The following CERCAM variants were observed in gnomAD, a reference collection of about 807,000 sequenced individuals.
CERCAM encodes cerebral endothelial cell adhesion molecule.
Under a neutral mutation model 66.0 loss-of-function variants are expected in CERCAM, and 59 were observed. The ratio of observed to expected loss-of-function variants is 0.89; its 90% CI spans 0.73 to 1.11. The LOEUF (loss-of-function observed/expected upper bound fraction) is 1.11. Among genes scored for constraint, CERCAM ranks in the 50% most tolerant of loss-of-function variants. The probability of loss-of-function intolerance (pLI) is 0.00; values close to 1 mark genes in which losing one functional copy is unlikely to be tolerated. For missense variants in CERCAM, 840 were observed against 828.3 expected, an observed-to-expected ratio of 1.01 and a Z score of -0.17; for synonymous variants, 318 against 343.6, an observed-to-expected ratio of 0.93 and a Z score of 0.83.
At chr9:128,421,188 G>GC (rs1833701629) in intron 1 of CERCAM, 114 bp downstream of exon 1, 3 of 1,240,238 alleles carry the variant, frequency 2.4e-6, no homozygotes, top group African/African-American at 3.1e-5. Flanking sequence ...ACCTAGACAG[G>GC]CCCCTCCCCT....
chr9:128,432,676 C>T (rs949315019), intron 9 of CERCAM, among the ~76,000 whole-genome samples: 3 of 152,246 alleles, frequency 2.0e-5, no homozygotes, highest in South Asian at 2.1e-4. Flanking sequence ...CATGAGCCAC[C>T]GCTCCTGGCT....
rs1006358370 is a variant in CERCAM at position 128,437,038 on chromosome 9, G to A, written c.*190G>A. The A allele has an allele frequency of 3.3e-5, 5 of 152,338 alleles. No individual in the cohort carries two copies. The highest frequency in any genetic ancestry group is 7.3e-5 in the Non-Finnish European group (5 of 68,124). The allele number at this position is 152,338 out of a possible 1,614,324, so 9.4% of individuals were successfully genotyped here. On this transcript the variant is annotated 3_prime_UTR_variant, in exon 13 of 13. Transcript: ENST00000372838. ...CAGAGATGGATCCCATTCCCTAAAG[G>A]TCTCACAGCAAAGGAGCAGGACTCC...
At chr9:128,428,644 C>A in intron 6 of CERCAM, 113 bp from the exon 7 acceptor site, 1 of 1,257,038 alleles carries the variant, frequency 8.0e-7, no homozygotes, top group East Asian at 2.3e-5. Context: ...AGGTCCCGTC[C>A]TGTGGGGTGT....
At chr9:128,435,527 G>T in intron 11 of CERCAM, 126 bp from the exon 12 acceptor site, 3 of 1,000,232 alleles carry the variant, frequency 3.0e-6, no homozygotes, top group Non-Finnish European at 4.4e-6. Flanking sequence ...GCTCAGGGCC[G>T]CTGTGAGGAC....
upstream of CERCAM, chr9:128,420,706 G>C (rs1000335034): frequency 4.3e-5 from 11 of 254,190 alleles, no homozygotes; most frequent in Admixed American, 2.2e-4. The surrounding 1 kb of genome is among the most constrained non-coding windows in gnomAD (Gnocchi z 5.0). Context: ...GGGCCAAGGA[G>C]AGAAAACTTG....
At chr9:128,428,480 T>G in intron 6 of CERCAM, 59 bp downstream of exon 6, 1 of 1,598,412 alleles carries the variant, frequency 6.3e-7, no homozygotes, top group Non-Finnish European at 8.5e-7. Context: ...CTCCCCACGG[T>G]GCCCCTTTCC....
At chr9:128,426,296 CAGAG>C (rs374856577) in intron 5 of CERCAM, among the ~76,000 whole-genome samples, 1 of 151,646 alleles carries the variant, frequency 6.6e-6, no homozygotes, top group Admixed American at 6.6e-5. Flanking sequence ...TGAAAAAAAA[CAGAG>C]AGTAAGAAAG....
rs1834046681 is a variant in CERCAM, at chr9:128,434,167, C to T, written c.1269C>T (p.Phe423=). 1 of 1,614,148 alleles carries T rather than the reference C, an allele frequency of 6.2e-7. No individual in the cohort carries two copies. Among genetic ancestry groups the T allele is most frequent in the Non-Finnish European group, 8.5e-7 (1 of 1,180,012 alleles). ...FEDDVRFESN[F]RGRLERLMED... is the part of the protein sequence containing the mutation. ...ATGACGTGCGCTTTGAGAGCAACTT[C>T]AGGGGGCGGCTGGAGCGGCTGATGG... Residue 423 remains phenylalanine (F), a synonymous_variant, in exon 10 of 13, where the codon TTC becomes TTT. Coordinates refer to ENST00000372838, the MANE Select transcript of CERCAM (RefSeq NM_016174.5). The surrounding 1 kb of genome is among the most constrained non-coding windows in gnomAD (Gnocchi z 4.5).
chr9:128,431,502 A>T, intron 9 of CERCAM, 199 bp downstream of exon 9: 1 of 620,950 alleles, frequency 1.6e-6, no homozygotes. Context: ...TCTCTTGAGC[A>T]TCTACTATGT....
intron 12 of CERCAM, among the ~76,000 whole-genome samples, chr9:128,436,125 G>A (rs140563557): frequency 0.01 from 1,579 of 151,414 alleles, 24 homozygotes; most frequent in African/African-American, 0.036. Flanking sequence ...GCGTGATTTT[G>A]GCTCACTGCA....
chr9:128,432,297 A>G (rs1833994207), intron 9 of CERCAM, among the ~76,000 whole-genome samples: 1 of 151,656 alleles, frequency 6.6e-6, no homozygotes, highest in Non-Finnish European at 1.5e-5. Context: ...AAGTGCTGGA[A>G]TTACAGGCTT....
rs1242616363 is a variant in CERCAM at position 128,434,366 on chromosome 9, C to A, written c.1332-44C>A. Reference sequence around the variant, plus strand: ...GCGGGTGTGGGAGGGTCCCATGACACCCAGGACCTAAGTGACTCCTGGGCC... The same window carrying A: ...GCGGGTGTGGGAGGGTCCCATGACAACCAGGACCTAAGTGACTCCTGGGCC... On this transcript the variant is annotated intron_variant, in intron 10 of 12. Transcript: ENST00000372838. This position sits in a 1 kb window ranked among gnomAD's most constrained non-coding sequence, Gnocchi z 4.5. The A allele has an allele frequency of 3.7e-6, 6 of 1,609,736 alleles. No individual in the cohort carries two copies. Among genetic ancestry groups the A allele is most frequent in the Non-Finnish European group, 4.2e-6 (5 of 1,176,948 alleles).
chr9:128,423,036 G>A, intron 2 of CERCAM, 58 bp downstream of exon 2: 1 of 1,612,186 alleles, frequency 6.2e-7, no homozygotes, highest in Middle Eastern at 1.7e-4. Flanking sequence ...AGCCCAGAGA[G>A]GAAAAGGGAC....
At position 128,422,863 on chromosome 9, in the gene CERCAM, C is replaced by T. The variant is rs368640206; in HGVS notation, c.198-5C>T. The T allele has an allele frequency of 2.5e-6, 4 of 1,613,676 alleles. No individual in the cohort carries two copies. The highest frequency in any genetic ancestry group is 3.4e-6 in the Non-Finnish European group (4 of 1,179,840). ...CCCCTCAGCCTTTTTTCTTCCCGTC[C>T]CCAGGTGTGCCACGGACCACAATGT... On this transcript the variant is annotated splice_region_variant and splice_polypyrimidine_tract_variant and intron_variant, in intron 1 of 12. Transcript: ENST00000372838.
At chr9:128,432,380 C>CTTT (rs1269523487) in intron 9 of CERCAM, among the ~76,000 whole-genome samples, 8 of 118,270 alleles carry the variant, frequency 6.8e-5, no homozygotes, top group African/African-American at 9.7e-5. Flanking sequence ...TGGTTCACTA[C>CTTT]TTTTTTTTTT....
chr9:128,430,992 G>C (rs575497688), intron 8 of CERCAM, 179 bp from the exon 9 acceptor site: 69 of 695,442 alleles, frequency 9.9e-5, no homozygotes, highest in Non-Finnish European at 1.4e-4. Context: ...CTGGGCAACA[G>C]GGGCTCCAGT....
intron 5 of CERCAM, 84 bp downstream of exon 5, chr9:128,424,698 C>A: frequency 8.0e-7 from 1 of 1,254,846 alleles, no homozygotes; most frequent in South Asian, 1.2e-5. Context: ...ATGCCCTTCC[C>A]TACTCTGCAT....
Position 128,420,979 on chromosome 9 carries a change from C to A in CERCAM, c.102C>A (p.Val34=). Residue 34 remains valine (V), a synonymous_variant, in exon 1 of 13, where the codon GTC becomes GTA. Coordinates refer to ENST00000372838, the MANE Select transcript of CERCAM (RefSeq NM_016174.5). This position sits in a 1 kb window ranked among gnomAD's most constrained non-coding sequence, Gnocchi z 5.0. The part of the protein sequence containing the change: ...GVAESPLPAV[V]LAILARNAEH... ...CGGAGTCGCCGCTGCCCGCCGTGGTCCTTGCCATCCTGGCCCGCAATGCCG... is the reference window on the plus strand; with the variant it reads ...CGGAGTCGCCGCTGCCCGCCGTGGTACTTGCCATCCTGGCCCGCAATGCCG... The A allele has an allele frequency of 6.8e-7, 1 of 1,469,554 alleles. No homozygotes were observed. Among genetic ancestry groups the A allele is most frequent in the Non-Finnish European group, 9.0e-7 (1 of 1,112,680 alleles). The allele number at this position is 1,469,554 out of a possible 1,614,324, so 91.0% of individuals were successfully genotyped here. A position where few individuals can be genotyped will look rare whatever the true frequency, so the allele number is the denominator to read the frequency against.
rs1163126936 is a variant in CERCAM, at chr9:128,425,296, CTG to C, written c.766+683_766+684del. On this transcript the variant is annotated intron_variant, in intron 5 of 12. Transcript: ENST00000372838. Reference sequence around the variant, plus strand: ...GGTCTCGATCTCCTGACCTCGTGATCTGCCCGCCTCGGCCTCCCAAAGTGCTG... The same window carrying C: ...GGTCTCGATCTCCTGACCTCGTGATCCCCGCCTCGGCCTCCCAAAGTGCTG... Among the ~76,000 whole-genome samples the C allele has an allele frequency of 5.9e-5, 9 of 152,000 alleles. No individual in the cohort carries two copies. In the South Asian group the frequency reaches 1.9e-3, roughly 32 times the overall value.
Sources: gnomAD v4.1 joint callset for allele counts (sites outside exome capture counted in the v4.1 genomes callset) on GRCh38, gnomAD v4.1.1 for gene constraint, Gnocchi (gnomAD v3.1) non-coding constraint, MANE v1.5 for transcripts, NCBI Gene and HGNC (gene_info 2026-07-23, HGNC 2026-07-21) for gene names.